NEB: variants seen among roughly 807,000 people sequenced by gnomAD.
The protein encoded by NEB is nebulin.
Under a neutral mutation model 952.2 loss-of-function variants are expected in NEB, and 512 were observed. The ratio of observed to expected loss-of-function variants is 0.54; its 90% confidence interval spans 0.50 to 0.58. NEB has a LOEUF of 0.58. NEB is among the 20% of genes least tolerant of loss of function. NEB has a pLI of 0.00. For missense variants in NEB, 8,428 were observed against 9,231.1 expected, an observed-to-expected ratio of 0.91 and a Z score of 3.56; for synonymous variants, 2,900 against 3,149.8, an observed-to-expected ratio of 0.92 and a Z score of 2.66.
intron 25 of NEB, 88 bp from the exon 26 acceptor site, chr2:151,687,821 T>C (rs1273536660): frequency 8.5e-7 from 1 of 1,176,962 alleles, no homozygotes. Context: ...TTTGTGTATG[T>C]ATAGACTTAT....
chr2:151,622,280 A>G (rs967971618), intron 71 of NEB, among the ~76,000 whole-genome samples: 6 of 152,136 alleles, frequency 3.9e-5, no homozygotes, highest in African/African-American at 1.2e-4. Flanking sequence ...GAGCCACTGC[A>G]CCCAGCCATG....
intron 12 of NEB, among the ~76,000 whole-genome samples, chr2:151,707,960 T>C (rs1224018046): frequency 1.3e-5 from 2 of 152,082 alleles, no homozygotes; most frequent in African/African-American, 2.4e-5. Context: ...CCTTGAAAAA[T>C]GGAAACGACC....
intron 171 of NEB, chr2:151,497,253 G>T (rs1214314288): frequency 1.1e-6 from 1 of 877,902 alleles, no homozygotes; most frequent in African/African-American, 1.8e-5. Context: ...TCAGCTGCTG[G>T]GGAAAGGCTG....
chr2:151,670,609 T>C (rs1271834297), intron 38 of NEB, among the ~76,000 whole-genome samples: 1 of 152,178 alleles, frequency 6.6e-6, no homozygotes, highest in Non-Finnish European at 1.5e-5. Flanking sequence ...TCTCAGAACA[T>C]GGAGCTATTA....
chr2:151,570,429 T>C, intron 108 of NEB, 37 bp from the exon 109 acceptor site: 2 of 1,584,644 alleles, frequency 1.3e-6, no homozygotes, highest in East Asian at 4.5e-5. Context: ...GGTCACAGCA[T>C]GTCCTCTTGA....
At chr2:151,518,240 G>A (rs1253665491) in intron 156 of NEB, 78 bp downstream of exon 156, 3 of 1,007,168 alleles carry the variant, frequency 3.0e-6, no homozygotes, top group South Asian at 2.6e-5. Context: ...AACAATGGAG[G>A]GAATCTATGA....
chr2:151,608,935 T>G (rs4664059), intron 81 of NEB, among the ~76,000 whole-genome samples: 3,588 of 105,148 alleles, frequency 0.034, 332 homozygotes, highest in African/African-American at 0.1. Flanking sequence ...AAAAAAAAAG[T>G]TAAATGTCAA....
chr2:151,522,088 A>G (rs2082344741), intron 153 of NEB, among the ~76,000 whole-genome samples: 1 of 152,214 alleles, frequency 6.6e-6, no homozygotes, highest in African/African-American at 2.4e-5. Context: ...CCCGGGGTTT[A>G]TAATCCCATC....
Position 151,617,268 on chromosome 2 carries a change from A to C in NEB, c.11181+96T>G, listed in dbSNP as rs569420905. On this transcript the variant is annotated intron_variant, in intron 75 of 181. Coordinates refer to ENST00000397345, the MANE Select transcript of NEB (RefSeq NM_001164508.2). ...TCTACTGAAAATGGTAGTTTGTAGT[A>C]TGTGTAGTAAATTAGTCAAAACCTT... The C allele has an allele frequency of 9.6e-6, 7 of 728,938 alleles. 1 individual carries two copies. The highest frequency in any genetic ancestry group is 8.9e-5 in the African/African-American group (5 of 56,374). 45.2% of individuals were successfully genotyped at this position (728,938 alleles called of 1,614,324 possible). A position where few individuals can be genotyped will look rare whatever the true frequency, so the allele number is the denominator to read the frequency against.
chr2:151,496,292 T>C lies in NEB; in HGVS notation c.24470A>G (p.Gln8157Arg). The change falls in exon 173 of 182, where the codon CAA (glutamine) becomes CGA (arginine). Residue 8157 changes from glutamine (Q) to arginine (R), a missense_variant. Physicochemically the swap from Gln to Arg is conservative, Grantham distance 43 (BLOSUM62 1). Around this residue, in one of 11 missense-constraint regions of NEB, gnomAD observed 3,374 missense variants for 3,651.5 expected, o/e 0.92. Transcript: ENST00000397345. ...TPEMERVKHN[Q>R]ENISSVLYKE... ...GCCAAGTACCGAGCTAATATTTTCT[T>C]GATTGTGTTTGACTCGCTCCATCTC... The C allele has an allele frequency of 1.2e-6, 2 of 1,610,290 alleles. No individual in the cohort carries two copies. Among genetic ancestry groups the C allele is most frequent in the Non-Finnish European group, 1.7e-6 (2 of 1,177,580 alleles).
chr2:151,695,468 G>GTTCTTCTCATTTTTAACATTAATCT, intron 18 of NEB, 110 bp downstream of exon 18: 1 of 779,804 alleles, frequency 1.3e-6, no homozygotes, highest in Non-Finnish European at 2.1e-6. Flanking sequence ...AATGTTAACA[G>GTTCTTCTCATTTTTAACATTAATCT]TTCTTCTCAT....
intron 75 of NEB, among the ~76,000 whole-genome samples, chr2:151,616,736 C>T (rs1224207645): frequency 6.6e-6 from 1 of 152,044 alleles, no homozygotes; most frequent in Non-Finnish European, 1.5e-5. Context: ...TTATTGTCAT[C>T]ATAATATAAA....
intron 115 of NEB, 48 bp downstream of exon 115, chr2:151,565,668 C>T (rs372183545): frequency 6.4e-7 from 1 of 1,570,474 alleles, no homozygotes; most frequent in African/African-American, 1.3e-5. Context: ...CCCAACATGG[C>T]AGGTAGGAGG....
chr2:151,724,023 C>A (rs2099783382), intron 8 of NEB, among the ~76,000 whole-genome samples: 1 of 152,084 alleles, frequency 6.6e-6, no homozygotes, highest in African/African-American at 2.4e-5. Context: ...CACAGACACT[C>A]CCCTCTGCCC....
In NEB at chr2:151,663,849, T is replaced by G. The variant is rs767599026; in HGVS notation, c.5462A>C (p.Lys1821Thr). Residue 1821 changes from lysine (K) to threonine (T), a missense_variant, in exon 45 of 182, where the codon AAG becomes ACG. Physicochemically the swap from Lys to Thr is moderately conservative, Grantham distance 78. This residue lies in a region of NEB where 2,851 missense variants were observed against 2,791.5 expected (regional missense o/e 1.02). Coordinates refer to ENST00000397345, the MANE Select transcript of NEB (RefSeq NM_001164508.2). ...SRDIASDYKYKKAYEQAKGKH... is the reference protein window; with the variant it reads ...SRDIASDYKYTKAYEQAKGKH... ...CCCTTTGGCTTGTTCATAGGCTTTC[T>G]TGTATTTGTACTGTGGACAGAGAAG... is the stretch of plus-strand genomic sequence containing the variant. 3.7e-6 allele frequency: 6 copies of G among 1,613,444 alleles called. No individual in the cohort carries two copies. The South Asian group carries it at 6.6e-5, about 18-fold the overall frequency.
rs2154172565 is a variant in NEB at position 151,663,710 on chromosome 2, G to C, written c.5601C>G (p.Thr1867=). 6.2e-7 allele frequency: 1 copy of C among 1,613,782 alleles called. No homozygotes were observed. Among genetic ancestry groups the C allele is most frequent in the Non-Finnish European group, 8.5e-7 (1 of 1,179,780 alleles). Residue 1867 remains threonine, a synonymous_variant, in exon 45 of 182, where the codon ACC becomes ACG. Coordinates refer to ENST00000397345, the MANE Select transcript of NEB (RefSeq NM_001164508.2). ...EYKKGYEKSK[T]SFHTPVDMLS... ...GCATGTCCACCGGGGTGTGGAAGGAGGTCTTGGATTTCTCATATCCCTTCT... is the reference window on the plus strand; with the variant it reads ...GCATGTCCACCGGGGTGTGGAAGGACGTCTTGGATTTCTCATATCCCTTCT...
At chr2:151,611,613 C>T (rs1198793711) in intron 78 of NEB, among the ~76,000 whole-genome samples, 3 of 152,168 alleles carry the variant, frequency 2.0e-5, no homozygotes, top group Admixed American at 2.0e-4. Context: ...TAAGGGCTGA[C>T]TCATTGGATA....
At chr2:151,559,167 G>A (rs1005365028) in intron 124 of NEB, among the ~76,000 whole-genome samples, 4 of 152,206 alleles carry the variant, frequency 2.6e-5, no homozygotes, top group Non-Finnish European at 4.4e-5. Flanking sequence ...AGACATTTAT[G>A]CGGCCAACAA....
chr2:151,729,394 C>A (rs868657969), intron 4 of NEB, among the ~76,000 whole-genome samples: 2 of 152,174 alleles, frequency 1.3e-5, no homozygotes, highest in Non-Finnish European at 2.9e-5. Context: ...GGGAACCACC[C>A]CCTGCCATCT....
Sources: allele counts gnomAD v4.1 joint callset (sites outside exome capture counted in the v4.1 genomes callset), GRCh38; gene constraint gnomAD v4.1.1; regional missense constraint gnomAD v4.1.1; transcripts MANE v1.5; gene names NCBI Gene and HGNC (gene_info 2026-07-23, HGNC 2026-07-21).